TM6SF2: variants seen among roughly 807,000 people sequenced by gnomAD.
TM6SF2 encodes the protein transmembrane 6 superfamily member 2.
A neutral mutation model predicts 41.0 loss-of-function variants in TM6SF2; 29 were observed. The observed-to-expected ratio is 0.71, with a 90% CI of 0.53 to 0.96. TM6SF2 has a LOEUF of 0.96. Ranked by LOEUF, TM6SF2 falls within the 50% of genes least tolerant of loss-of-function variation. The probability of loss-of-function intolerance (pLI) is 0.00; values close to 1 mark genes in which losing one functional copy is unlikely to be tolerated. For missense variants in TM6SF2, 475 were observed against 499.0 expected, an observed-to-expected ratio of 0.95 and a Z score of 0.46; for synonymous variants, 200 against 209.1, an observed-to-expected ratio of 0.96 and a Z score of 0.37.
At position 19,266,471 on chromosome 19, in the gene TM6SF2, C is replaced by T; in HGVS notation, c.924+19G>A. ...ATTCCCTCCCACATGCCTGCTCACC[C>T]ACCCATCCGCCACCTCACCTGGCCG... is the stretch of plus-strand genomic sequence containing the variant. On this transcript the variant is annotated intron_variant, in intron 9 of 9. Coordinates refer to ENST00000389363, the MANE Select transcript of TM6SF2 (RefSeq NM_001001524.3). 4 of 1,613,332 alleles carry T rather than the reference C, an allele frequency of 2.5e-6. No homozygotes were observed. Among genetic ancestry groups the T allele is most frequent in the Non-Finnish European group, 3.4e-6 (4 of 1,179,570 alleles).
At chr19:19,265,389 T>G (rs74182629) in intron 9 of TM6SF2, among the ~76,000 whole-genome samples, 3,271 of 136,098 alleles carry the variant, frequency 0.024, 60 homozygotes, top group East Asian at 0.07. Context: ...TATCTATCTA[T>G]CTATCTATCT....
intron 8 of TM6SF2, 165 bp from the exon 9 acceptor site, chr19:19,266,774 G>GC (rs2061004512): frequency 1.3e-6 from 1 of 783,372 alleles, no homozygotes; most frequent in South Asian, 1.8e-5. Context: ...GGGGATCCTT[G>GC]CCCCCAACCC....
chr19:19,268,962 T>C (rs1196223578), intron 5 of TM6SF2, among the ~76,000 whole-genome samples: 1 of 152,140 alleles, frequency 6.6e-6, no homozygotes, highest in African/African-American at 2.4e-5. Flanking sequence ...CTGGCTAATT[T>C]TTGTACTTTT....
chr19:19,270,219 C>G lies in TM6SF2; in HGVS notation c.355G>C (p.Val119Leu). Residue 119 changes from valine to leucine, a missense_variant, in exon 4 of 10, where the codon GTT (valine) becomes CTT (leucine). By Grantham distance (32) the Val-to-Leu change is conservative. This residue lies in a region of TM6SF2 where 238 missense variants were observed against 228.6 expected (regional missense o/e 1.04). Transcript: ENST00000389363. ...ATGGCCAGGTAGAGGAGGTAGTGAACAGTGCCATCCCAGTAGCAGATGAAG... is the reference window on the plus strand; with the variant it reads ...ATGGCCAGGTAGAGGAGGTAGTGAAGAGTGCCATCCCAGTAGCAGATGAAG... ...GVFICYWDGT[V>L]HYLLYLAMAG... 4.3e-6 allele frequency: 7 copies of G among 1,614,136 alleles called. No homozygotes were observed. Among genetic ancestry groups the G allele is most frequent in the Non-Finnish European group, 5.9e-6 (7 of 1,180,034 alleles).
Position 19,264,521 on chromosome 19 carries a change from C to T in TM6SF2, c.*143G>A. On this transcript the variant is annotated 3_prime_UTR_variant, in exon 10 of 10. Coordinates refer to ENST00000389363, the MANE Select transcript of TM6SF2 (RefSeq NM_001001524.3). ...CACTTGGTCGTTGGTCTCCATCCCA[C>T]CCACTGGACTGAAACTACCATAGCC... 1 of 635,702 alleles carries T rather than the reference C, an allele frequency of 1.6e-6. No individual in the cohort carries two copies. The highest frequency in any genetic ancestry group is 2.3e-6 in the Non-Finnish European group (1 of 427,372). 39.4% of individuals were successfully genotyped at this position (635,702 alleles called of 1,614,324 possible).
rs1341566724 is a variant in TM6SF2 at position 19,266,548 on chromosome 19, A to G, written c.866T>C (p.Phe289Ser). The G allele has an allele frequency of 1.2e-6, 2 of 1,614,042 alleles. No homozygotes were observed. The highest frequency in any genetic ancestry group is 1.6e-4 in the Middle Eastern group (1 of 6,062). ...FCGLAAYALT[F>S]PGCSWLPDWA... ...GTCTGGAAGCCAGGAGCAACCAGGG[A>G]AGGTGAGAGCATAGGCAGCCAGGCC... Residue 289 changes from phenylalanine (F) to serine (S), a missense_variant, in exon 9 of 10, where the codon TTC (phenylalanine) becomes TCC (serine). Around this residue, in one of 3 missense-constraint regions of TM6SF2, gnomAD observed 190 missense variants for 190.2 expected, o/e 1.00. Coordinates refer to ENST00000389363, the MANE Select transcript of TM6SF2 (RefSeq NM_001001524.3).
chr19:19,270,535 A>C, intron 2 of TM6SF2, 93 bp from the exon 3 acceptor site: 2 of 1,454,266 alleles, frequency 1.4e-6, no homozygotes, highest in Non-Finnish European at 1.9e-6. Context: ...AGTTAAGGTC[A>C]GGGATGAGAT....
At chr19:19,269,532 G>T (rs1472115823) in intron 5 of TM6SF2, among the ~76,000 whole-genome samples, 155 bp downstream of exon 5, 4 of 152,224 alleles carry the variant, frequency 2.6e-5, no homozygotes, top group Non-Finnish European at 4.4e-5. Context: ...ACCGGAAAGG[G>T]GTGGGCTGCT....
intron 9 of TM6SF2, among the ~76,000 whole-genome samples, 192 bp from the exon 10 acceptor site, chr19:19,265,065 A>C: frequency 2.3e-5 from 3 of 129,116 alleles, no homozygotes; most frequent in Admixed American, 8.3e-5. Context: ...TTTTTGAGAC[A>C]CAGTCTCATT....
intron 4 of TM6SF2, 82 bp from the exon 5 acceptor site, chr19:19,269,851 G>C: frequency 6.2e-7 from 1 of 1,603,206 alleles, no homozygotes; most frequent in East Asian, 2.2e-5. Context: ...GACCACCGTG[G>C]GTTTCCCAGC....
intron 6 of TM6SF2, among the ~76,000 whole-genome samples, chr19:19,268,429 A>C: frequency 6.6e-6 from 1 of 152,080 alleles, no homozygotes. Flanking sequence ...GCTGGTCTCC[A>C]ATTCCTGGGC....
chr19:19,269,615 TG>T (rs2061015577), intron 5 of TM6SF2, 71 bp downstream of exon 5: 1 of 1,577,164 alleles, frequency 6.3e-7, no homozygotes, highest in Non-Finnish European at 8.7e-7. Flanking sequence ...GAGGATCCAA[TG>T]GGGGTGCTTC....
chr19:19,269,848 G>A (rs1482375880), intron 4 of TM6SF2, 79 bp from the exon 5 acceptor site: 30 of 1,604,042 alleles, frequency 1.9e-5, no homozygotes, highest in East Asian at 4.5e-5. Flanking sequence ...GGAGACCACC[G>A]TGGGTTTCCC....
At position 19,264,767 on chromosome 19, in the gene TM6SF2, G is replaced by A. The variant is rs757770572; in HGVS notation, c.1031C>T (p.Ala344Val). 38 of 1,609,970 alleles carry A rather than the reference G, an allele frequency of 2.4e-5. No individual in the cohort carries two copies. The highest frequency in any genetic ancestry group is 3.1e-5 in the Non-Finnish European group (36 of 1,178,356). The change falls in exon 10 of 10, where the codon GCG becomes GTG. Residue 344 changes from alanine to valine, a missense_variant. By Grantham distance (64) the Ala-to-Val change is moderately conservative. This residue lies in a region of TM6SF2 where 190 missense variants were observed against 190.2 expected (regional missense o/e 1.00). Coordinates refer to ENST00000389363, the MANE Select transcript of TM6SF2 (RefSeq NM_001001524.3). ...GCFFVCNLLY[A>V]LGPHLLAYRC... The stretch of plus-strand genomic sequence containing the variant: ...GTAGGCCAGCAGGTGGGGGCCCAGC[G>A]CATACAGCAGATTGCACACGAAGAA...
At chr19:19,265,382 C>A in intron 9 of TM6SF2, among the ~76,000 whole-genome samples, 1 of 131,468 alleles carries the variant, frequency 7.6e-6, no homozygotes, top group African/African-American at 3.2e-5. Context: ...ATCTATCTAT[C>A]TATCTATCTA....
Position 19,270,435 on chromosome 19 carries a change from A to G in TM6SF2, c.207T>C (p.Ala69=). 1.2e-6 allele frequency: 2 copies of G among 1,610,198 alleles called. No individual in the cohort carries two copies. Among genetic ancestry groups the G allele is most frequent in the Non-Finnish European group, 1.7e-6 (2 of 1,178,390 alleles). ...CCACAACCGAGGTGAAGGCGAAGACAGCGAAGACTGCAGTGAGTGGGCGGG... is the reference window on the plus strand; with the variant it reads ...CCACAACCGAGGTGAAGGCGAAGACGGCGAAGACTGCAGTGAGTGGGCGGG... ...VSYDPLYAVF[A]VFAFTSVVDL... Residue 69 remains alanine, a synonymous_variant, in exon 3 of 10, where the codon GCT becomes GCC. Transcript: ENST00000389363.
intron 8 of TM6SF2, 70 bp from the exon 9 acceptor site, chr19:19,266,679 C>A: frequency 6.5e-7 from 1 of 1,533,584 alleles, no homozygotes; most frequent in Non-Finnish European, 8.8e-7. Context: ...TCTCCTGAGA[C>A]CCCTGAGGTG....
chr19:19,272,978 G>A lies in TM6SF2; in HGVS notation c.95+143C>T, dbSNP rs554147023. Reference sequence around the variant, plus strand: ...TCTTCTGGCCCACCCCAATCCTGCCGGGTCGGAGCTGAGCTGGGGCGCAGG... The same window carrying A: ...TCTTCTGGCCCACCCCAATCCTGCCAGGTCGGAGCTGAGCTGGGGCGCAGG... On this transcript the variant is annotated intron_variant, in intron 1 of 9. Transcript: ENST00000389363. 152 of 559,076 alleles carry A rather than the reference G, an allele frequency of 2.7e-4. No individual in the cohort carries two copies. The East Asian group carries it at 5.4e-3, about 20-fold the overall frequency. 34.6% of individuals were successfully genotyped at this position (559,076 alleles called of 1,614,324 possible).
Position 19,270,328 on chromosome 19 carries a change from G to C in TM6SF2, c.297+17C>G, listed in dbSNP as rs1343835677. ...CGGGCAGTGCGGTAGGGGGCTCCCT[G>C]GTCGTCCCCCAAGTACCTCCTTGGT... On this transcript the variant is annotated intron_variant, in intron 3 of 9. Transcript: ENST00000389363. The C allele has an allele frequency of 6.2e-7, 1 of 1,614,106 alleles. No homozygotes were observed. Among genetic ancestry groups the C allele is most frequent in the East Asian group, 2.2e-5 (1 of 44,890 alleles).
Sources: allele counts gnomAD v4.1 joint callset (sites outside exome capture counted in the v4.1 genomes callset), GRCh38; gene constraint gnomAD v4.1.1; regional missense constraint gnomAD v4.1.1; transcripts MANE v1.5; gene names NCBI Gene and HGNC (gene_info 2026-07-23, HGNC 2026-07-21).